The following SMIM7 variants were observed in gnomAD, a reference collection of about 807,000 sequenced individuals.
The protein encoded by SMIM7 is small integral membrane protein 7.
In SMIM7, 12 loss-of-function variants were observed where a neutral mutation model predicts 13.3. The ratio of observed to expected loss-of-function variants is 0.90; its 90% CI spans 0.58 to 1.46. SMIM7 has a LOEUF of 1.46. SMIM7 is among the 40% of genes most tolerant of loss of function. SMIM7 has a pLI of 0.00. For missense variants in SMIM7, 114 were observed against 94.8 expected (o/e 1.20, Z -0.84); for synonymous variants, 36 against 35.8 (o/e 1.01, Z -0.02).
chr19:16,659,852 G>A (rs1329979416), intron 2 of SMIM7, 107 bp downstream of exon 2: 32 of 1,440,296 alleles, frequency 2.2e-5, no homozygotes, highest in Admixed American at 9.8e-5. Context: ...ATAGGGCGGG[G>A]CCTGCGGCTT....
At chr19:16,645,501 T>G (rs532562788), downstream of SMIM7, 1 of 152,066 alleles carries the variant, frequency 6.6e-6, no homozygotes, top group African/African-American at 2.4e-5. Context: ...TGGCTGAGAT[T>G]TGGCAAGGAA....
intron 4 of SMIM7, among the ~76,000 whole-genome samples, chr19:16,647,716 A>T (rs1350155678): frequency 6.6e-6 from 1 of 152,094 alleles, no homozygotes; most frequent in Non-Finnish European, 1.5e-5. Context: ...TCAGCCTCCC[A>T]AAGTGCTGGG....
chr19:16,659,562 C>A, intron 2 of SMIM7, 115 bp from the exon 3 acceptor site: 1 of 1,067,260 alleles, frequency 9.4e-7, no homozygotes, highest in South Asian at 1.4e-5. Flanking sequence ...CTGCCGCAAA[C>A]TTGCTGTGTG....
intron 4 of SMIM7, among the ~76,000 whole-genome samples, chr19:16,635,842 C>T (rs1458066284): frequency 1.4e-5 from 2 of 144,386 alleles, no homozygotes; most frequent in Admixed American, 7.0e-5. Context: ...CCAGATTGTA[C>T]CACTGCAATC....
intron 4 of SMIM7, among the ~76,000 whole-genome samples, chr19:16,637,438 T>C (rs539654226): frequency 2.6e-5 from 4 of 151,570 alleles, no homozygotes; most frequent in African/African-American, 7.3e-5. Context: ...CTGGGGGAGG[T>C]TGAGGCTACA....
chr19:16,634,894 G>C (rs1599357294), intron 4 of SMIM7: 1 of 151,044 alleles, frequency 6.6e-6, no homozygotes, highest in Admixed American at 6.6e-5. Context: ...ATAACGTGCA[G>C]ACAACCTGCC....
chr19:16,639,174 T>C (rs557805226), intron 4 of SMIM7, among the ~76,000 whole-genome samples: 1 of 147,324 alleles, frequency 6.8e-6, no homozygotes, highest in Non-Finnish European at 1.5e-5. Context: ...CAGGCTGGAG[T>C]GCAGTGGCGT....
Position 16,647,193 on chromosome 19 carries a change from G to A in SMIM7, c.*53C>T, listed in dbSNP as rs1273591983. 4 of 1,611,612 alleles carry A rather than the reference G, an allele frequency of 2.5e-6. No homozygotes were observed. The South Asian group carries it at 3.3e-5, about 13-fold the overall frequency. ...ATTCTTGAAGTCATCAGGAATGGAG[G>A]AATGGAGACTCGGCATCCCGGGAAA... On this transcript the variant is annotated 3_prime_UTR_variant, in exon 5 of 5. Transcript: ENST00000487416.
At chr19:16,650,709 C>CA (rs571019127) in intron 4 of SMIM7, among the ~76,000 whole-genome samples, 16,454 of 97,922 alleles carry the variant, frequency 0.17, 1,557 homozygotes, top group African/African-American at 0.3. Context: ...GACTCCACCT[C>CA]AAAAAAAAAA....
intron 3 of SMIM7, among the ~76,000 whole-genome samples, chr19:16,654,930 C>T (rs767945214): frequency 4.6e-5 from 7 of 152,078 alleles, no homozygotes; most frequent in Non-Finnish European, 1.0e-4. Flanking sequence ...AAAAACATGC[C>T]AACCCCTGCT....
intron 4 of SMIM7, among the ~76,000 whole-genome samples, chr19:16,639,267 C>T (rs373794462): frequency 3.3e-5 from 5 of 151,896 alleles, no homozygotes; most frequent in African/African-American, 1.2e-4. Context: ...GGATTATAGG[C>T]GCCCACCACC....
chr19:16,659,403 G>A lies in SMIM7; in HGVS notation c.113C>T (p.Pro38Leu). ...ATCCAATTAGACCTTACCTGTGCTGGGCTCCCTGGACTCCTCCCCAAAGCC... is the reference window on the plus strand; with the variant it reads ...ATCCAATTAGACCTTACCTGTGCTGAGCTCCCTGGACTCCTCCCCAAAGCC... ...TQGFGEESRE[P>L]STGDNIREFL... The change falls in exon 3 of 5, where the codon CCC (proline) becomes CTC (leucine). Residue 38 changes from proline to leucine, a missense_variant. Physicochemically the swap from Pro to Leu is moderately conservative, Grantham distance 98 (BLOSUM62 -3). Transcript: ENST00000487416. 1.2e-6 allele frequency: 2 copies of A among 1,613,836 alleles called. No individual in the cohort carries two copies. The highest frequency in any genetic ancestry group is 1.7e-6 in the Non-Finnish European group (2 of 1,179,962).
chr19:16,650,916 G>A (rs573815064), intron 4 of SMIM7, among the ~76,000 whole-genome samples: 1 of 152,274 alleles, frequency 6.6e-6, no homozygotes, highest in South Asian at 2.1e-4. Flanking sequence ...ACATTACACA[G>A]CTGAAGTTAG....
At chr19:16,656,521 T>C (rs2086599074) in intron 3 of SMIM7, among the ~76,000 whole-genome samples, 1 of 152,084 alleles carries the variant, frequency 6.6e-6, no homozygotes, top group South Asian at 2.1e-4. Flanking sequence ...GTGACTGCTC[T>C]GGTGGGAAAG....
In SMIM7 at chr19:16,659,708, T is replaced by C; in HGVS notation, c.68+251A>G. The C allele has an allele frequency of 7.7e-6, 5 of 647,834 alleles. No homozygotes were observed. In the South Asian group the frequency reaches 9.3e-5, roughly 12 times the overall value. 40.1% of individuals were successfully genotyped at this position (647,834 alleles called of 1,614,324 possible). A position where few individuals can be genotyped will look rare whatever the true frequency, so the allele number is the denominator to read the frequency against. ...GAAGGTCCGCGGTGGGGCTATTTCT[T>C]GGGGGATGGGGCTTAAGCTCTCCAG... is the stretch of plus-strand genomic sequence containing the variant. On this transcript the variant is annotated intron_variant, in intron 2 of 4. Transcript: ENST00000487416.
chr19:16,635,315 A>C (rs1342043430), intron 4 of SMIM7: 1 of 151,526 alleles, frequency 6.6e-6, no homozygotes, highest in Non-Finnish European at 1.5e-5. Context: ...GTGAGCTGAC[A>C]AGACAGTACA....
In SMIM7 at chr19:16,654,025, C is replaced by A; in HGVS notation, c.212+10G>T. ...GACGACAGTGAAAGGAAAGGGCAGG[C>A]TGGACTCACACAATCATGCAGAACA... On this transcript the variant is annotated intron_variant, in intron 4 of 4. Transcript: ENST00000487416. The A allele has an allele frequency of 6.2e-7, 1 of 1,612,446 alleles. No individual in the cohort carries two copies. The highest frequency in any genetic ancestry group is 8.5e-7 in the Non-Finnish European group (1 of 1,178,978).
intron 3 of SMIM7, chr19:16,655,469 T>C (rs1243727613): frequency 2.2e-6 from 1 of 451,384 alleles, no homozygotes; most frequent in Non-Finnish European, 4.4e-6. Flanking sequence ...TTACCTGAGG[T>C]CGGGAGTTCG....
chr19:16,639,387 G>T (rs2086388252), intron 4 of SMIM7, among the ~76,000 whole-genome samples: 1 of 152,150 alleles, frequency 6.6e-6, no homozygotes, highest in East Asian at 1.9e-4. Flanking sequence ...CTCCCAAAGT[G>T]CTGGGATTAC....
Sources: gnomAD v4.1 joint callset for allele counts (sites outside exome capture counted in the v4.1 genomes callset) on GRCh38, gnomAD v4.1.1 for gene constraint, MANE v1.5 for transcripts, NCBI Gene and HGNC (gene_info 2026-07-23, HGNC 2026-07-21) for gene names.